The following TRPM3 variants were observed in gnomAD, a reference collection of about 807,000 sequenced individuals.
TRPM3 encodes the protein long transient receptor potential channel 3.
TRPM3 carries 77 observed loss-of-function variants against 181.2 expected under a neutral mutation model. The observed-to-expected ratio is 0.42, with a 90% CI of 0.35 to 0.51. The LOEUF (loss-of-function observed/expected upper bound fraction) is 0.51. Among genes scored for constraint, TRPM3 ranks in the 20% least tolerant of loss-of-function variants. TRPM3 has a pLI of 0.01. For synonymous variants in TRPM3, 745 were observed against 796.4 expected, an observed-to-expected ratio of 0.94 and a Z score of 1.09; for missense variants, 1,759 against 2,196.7, an observed-to-expected ratio of 0.80 and a Z score of 3.98.
At chr9:71,134,706 G>A (rs1184957339) in intron 1 of TRPM3, among the ~76,000 whole-genome samples, 4 of 152,152 alleles carry the variant, frequency 2.6e-5, no homozygotes, top group Non-Finnish European at 4.4e-5. Context: ...AAAGTTGACT[G>A]GCAAAAGCAG....
intron 1 of TRPM3, among the ~76,000 whole-genome samples, chr9:70,986,914 T>C (rs1223730103): frequency 6.6e-6 from 1 of 151,806 alleles, no homozygotes; most frequent in Non-Finnish European, 1.5e-5. Flanking sequence ...TTCTAGGTGA[T>C]GGAAATTTTC....
chr9:71,257,112 A>G (rs1406143790), intron 1 of TRPM3, among the ~76,000 whole-genome samples: 2 of 152,210 alleles, frequency 1.3e-5, no homozygotes, highest in Non-Finnish European at 2.9e-5. Context: ...GTAAATTTGC[A>G]TGAGTAGAAG....
intron 8 of TRPM3, chr9:70,760,628 G>C (rs567223130): frequency 6.6e-6 from 1 of 150,930 alleles, no homozygotes; most frequent in Admixed American, 6.6e-5. Flanking sequence ...CTGTGTGGAT[G>C]CTTTTTGGAG....
chr9:71,261,096 G>T lies in TRPM3; in HGVS notation c.183+185557C>A, dbSNP rs184768149. Among the ~76,000 whole-genome samples the T allele has an allele frequency of 2.8e-3, 426 of 152,288 alleles. 5 individuals carry two copies. Among genetic ancestry groups the T allele is most frequent in the Non-Finnish European group, 4.6e-3 (316 of 68,028 alleles). On this transcript the variant is annotated intron_variant, in intron 1 of 24. Coordinates refer to the TRPM3 transcript ENST00000357533. ...TCTCCTGGATAATATTCTGAAGAGT[G>T]TTTTCCAACTTGGTTCCATTCTCCC...
intron 1 of TRPM3, among the ~76,000 whole-genome samples, chr9:71,014,456 G>A (rs1414764994): frequency 6.6e-6 from 1 of 152,012 alleles, no homozygotes; most frequent in Non-Finnish European, 1.5e-5. Context: ...ACTTGTTTGT[G>A]TGTGAGAGTG....
At chr9:70,976,076 G>T (rs12000188) in intron 1 of TRPM3, among the ~76,000 whole-genome samples, 47 of 152,218 alleles carry the variant, frequency 3.1e-4, no homozygotes, top group African/African-American at 1.1e-3. Flanking sequence ...TATTTTCAGT[G>T]CAATCACTTA....
Position 70,802,268 on chromosome 9 carries a change from A to G in TRPM3, c.974-17989T>C, listed in dbSNP as rs143307216. On this transcript the variant is annotated intron_variant, in intron 6 of 25. Transcript: ENST00000677713. The stretch of plus-strand genomic sequence containing the variant: ...AATATTTTTTCCAGAAGTCTATTTT[A>G]AAGTCTAAACCAGGCATCAGCAAAT... Among the ~76,000 whole-genome samples the G allele has an allele frequency of 2.8e-3, 432 of 152,364 alleles. 5 individuals carry two copies. The highest frequency in any genetic ancestry group is 3.4e-3 in the Non-Finnish European group (233 of 68,032).
intron 1 of TRPM3, among the ~76,000 whole-genome samples, chr9:71,091,803 G>A (rs779843853): frequency 2.0e-5 from 3 of 151,880 alleles, no homozygotes; most frequent in Admixed American, 6.6e-5. Context: ...AGAAAAGATC[G>A]GTTTTCGAGC....
chr9:70,820,141 T>C (rs571810754), intron 6 of TRPM3, among the ~76,000 whole-genome samples: 1 of 152,336 alleles, frequency 6.6e-6, no homozygotes, highest in South Asian at 2.1e-4. Flanking sequence ...GCTTAATTTT[T>C]CTCTATTATT....
Position 70,536,737 on chromosome 9 carries a change from G to T in TRPM3, c.4376C>A (p.Thr1459Lys), listed in dbSNP as rs144707364. ...TGGAGGTCTGTCTGTGGGTGCAAGT[G>T]TTGCATAGGCACTACTTGAAGGGGC... Reference protein sequence around the residue: ...STAPSSSAYATLAPTDRPPSR... With the variant: ...STAPSSSAYAKLAPTDRPPSR... Residue 1459 changes from threonine (T) to lysine (K), a missense_variant, in exon 26 of 26, where the codon ACA (threonine) becomes AAA (lysine). Transcript: ENST00000677713. The T allele has an allele frequency of 4.0e-5, 65 of 1,614,064 alleles. No homozygotes were observed. The highest frequency in any genetic ancestry group is 1.6e-4 in the Middle Eastern group (1 of 6,084).
intron 1 of TRPM3, among the ~76,000 whole-genome samples, chr9:70,959,056 C>T (rs1198431466): frequency 3.2e-4 from 48 of 150,768 alleles, no homozygotes; most frequent in African/African-American, 1.0e-3. Flanking sequence ...TAATGCTAAA[C>T]GACGAGTTAA....
intron 18 of TRPM3, among the ~76,000 whole-genome samples, chr9:70,611,394 T>G (rs1225302755): frequency 6.6e-6 from 1 of 152,006 alleles, no homozygotes; most frequent in African/African-American, 2.4e-5. Flanking sequence ...GCTGTTCTCG[T>G]GATAGTGAGT....
intron 7 of TRPM3, 141 bp downstream of exon 7, chr9:70,783,964 T>A (rs1418018099): frequency 6.9e-7 from 1 of 1,444,294 alleles, no homozygotes; most frequent in Admixed American, 2.7e-5. Flanking sequence ...AGCCCTCCCA[T>A]GACAGACATT....
intron 1 of TRPM3, among the ~76,000 whole-genome samples, chr9:71,441,407 C>A: frequency 6.6e-6 from 1 of 152,122 alleles, no homozygotes; most frequent in East Asian, 1.9e-4. Flanking sequence ...GAGATTCGCT[C>A]TGCTTTCATC....
At chr9:71,423,196 T>C (rs963868000) in intron 1 of TRPM3, among the ~76,000 whole-genome samples, 5 of 152,090 alleles carry the variant, frequency 3.3e-5, no homozygotes, top group Non-Finnish European at 7.4e-5. Context: ...ACTTTTTATG[T>C]TTGTAGCAGA....
chr9:71,011,318 A>G (rs1281598374), intron 1 of TRPM3, among the ~76,000 whole-genome samples: 1 of 152,218 alleles, frequency 6.6e-6, no homozygotes, highest in Non-Finnish European at 1.5e-5. Context: ...TACTACAAAG[A>G]AATAAATGTT....
In TRPM3 at chr9:70,610,670, G is replaced by A; in HGVS notation, c.2606C>T (p.Pro869Leu). 6.2e-7 allele frequency: 1 copy of A among 1,614,138 alleles called. No individual in the cohort carries two copies. The highest frequency in any genetic ancestry group is 8.5e-7 in the Non-Finnish European group (1 of 1,179,996). Reference sequence around the variant, plus strand: ...GAATTCATAGATTTTTCTGCCGAGGGGGATTAACCGGTGCTTGCTCTGAAC... The same window carrying A: ...GAATTCATAGATTTTTCTGCCGAGGAGGATTAACCGGTGCTTGCTCTGAAC... Reference protein sequence around the residue: ...EEVQSKHRLIPLGRKIYEFYN... With the variant: ...EEVQSKHRLILLGRKIYEFYN... The change falls in exon 19 of 26, where the codon CCC (proline) becomes CTC (leucine). Residue 869 changes from proline (P) to leucine (L), a missense_variant. Physicochemically the swap from Pro to Leu is moderately conservative, Grantham distance 98. Coordinates refer to ENST00000677713, the MANE Select transcript of TRPM3 (RefSeq NM_001366145.2).
In TRPM3 at chr9:71,044,341, G is replaced by A. The variant is rs143999796; in HGVS notation, c.177+76837C>T. Among the ~76,000 whole-genome samples the A allele has an allele frequency of 3.4e-4, 52 of 152,136 alleles. 1 individual carries two copies. The East Asian group carries it at 8.7e-3, about 25-fold the overall frequency. The stretch of plus-strand genomic sequence containing the variant: ...TCCCATTTCTGTCACCAGACTCGCA[G>A]AGAAGAAAACCCAAAGACTCAGGCT... On this transcript the variant is annotated intron_variant, in intron 1 of 25. Transcript: ENST00000677713.
chr9:71,191,065 G>A (rs1330129865), intron 1 of TRPM3, among the ~76,000 whole-genome samples: 2 of 151,808 alleles, frequency 1.3e-5, no homozygotes, highest in African/African-American at 4.8e-5. Context: ...CCCTACGAGG[G>A]AGCCATTGTC....
Sources: gnomAD v4.1 joint callset for allele counts (sites outside exome capture counted in the v4.1 genomes callset) on GRCh38, gnomAD v4.1.1 for gene constraint, MANE v1.5 for transcripts, NCBI Gene and HGNC (gene_info 2026-07-23, HGNC 2026-07-21) for gene names.